Variants in MICU1 observed in about 807,000 individuals in gnomAD.
MICU1 encodes the protein mitochondrial calcium uptake 1, also known as calcium uptake protein 1, mitochondrial.
In MICU1, 45 loss-of-function variants were observed where a neutral mutation model predicts 56.8. That is an observed-to-expected ratio of 0.79 (90% CI 0.62 to 1.02). MICU1 has a LOEUF of 1.02. MICU1 is among the 50% of genes least tolerant of loss of function. The probability of loss-of-function intolerance (pLI) is 0.00; values close to 1 mark genes in which losing one functional copy is unlikely to be tolerated. For synonymous variants in MICU1, 186 were observed against 195.1 expected (o/e 0.95, Z 0.39); for missense variants, 504 against 587.1 (o/e 0.86, Z 1.46).
At chr10:72,497,942 C>T (rs1866900664) in intron 6 of MICU1, among the ~76,000 whole-genome samples, 1 of 152,220 alleles carries the variant, frequency 6.6e-6, no homozygotes, top group African/African-American at 2.4e-5. Context: ...ATAGTTCCCA[C>T]TTCAAGATAT....
chr10:72,579,815 A>G (rs544830818), intron 1 of MICU1, among the ~76,000 whole-genome samples: 1 of 152,320 alleles, frequency 6.6e-6, no homozygotes, highest in African/African-American at 2.4e-5. Flanking sequence ...TATTAAAAAT[A>G]TGGTATAAAA....
At chr10:72,388,691 G>A (rs1249766122) in intron 10 of MICU1, among the ~76,000 whole-genome samples, 1 of 152,118 alleles carries the variant, frequency 6.6e-6, no homozygotes, top group Non-Finnish European at 1.5e-5. Context: ...TTAGCCAAAA[G>A]CAACTGGGAA....
At chr10:72,441,475 A>G (rs548907611) in intron 8 of MICU1, among the ~76,000 whole-genome samples, 37 of 151,530 alleles carry the variant, frequency 2.4e-4, no homozygotes, top group African/African-American at 8.5e-4. Flanking sequence ...TGATGGGTGC[A>G]GCAAACCAAC....
At chr10:72,590,849 A>T (rs201914169) in intron 1 of MICU1, among the ~76,000 whole-genome samples, 67,803 of 146,300 alleles carry the variant, frequency 0.46, 19,346 homozygotes, top group Non-Finnish European at 0.67. Context: ...ATAAAAATTA[A>T]AAAAAAAAAA....
intron 6 of MICU1, among the ~76,000 whole-genome samples, chr10:72,499,168 T>C (rs1415910612): frequency 6.6e-6 from 1 of 152,218 alleles, no homozygotes; most frequent in Non-Finnish European, 1.5e-5. Flanking sequence ...AGCCACAATT[T>C]GCTTCTTTGC....
chr10:72,546,449 C>T (rs1228285418), intron 4 of MICU1, among the ~76,000 whole-genome samples: 4 of 152,102 alleles, frequency 2.6e-5, no homozygotes, highest in Non-Finnish European at 4.4e-5. Context: ...CAAATCTGGC[C>T]GCTTCTGTAT....
In MICU1 at chr10:72,419,876, C is replaced by T. The variant is rs1007250298; in HGVS notation, c.1071+3358G>A. ...TTTGGCTGTGTCCCCACCCAAATCT[C>T]GAATTGTAGCTCCCATAATGCACAT... On this transcript the variant is annotated intron_variant, in intron 9 of 11. Transcript: ENST00000361114. 3.3e-5 allele frequency among the ~76,000 whole-genome samples: 5 copies of T among 152,062 alleles called. No homozygotes were observed. The South Asian group carries it at 1.0e-3, about 31-fold the overall frequency.
chr10:72,417,870 T>C (rs1298521640), intron 9 of MICU1, among the ~76,000 whole-genome samples: 1 of 152,232 alleles, frequency 6.6e-6, no homozygotes, highest in Non-Finnish European at 1.5e-5. Context: ...TATTAGTTCG[T>C]TCTTATGCTG....
chr10:72,410,975 T>C (rs536600920), intron 9 of MICU1, among the ~76,000 whole-genome samples: 3 of 152,196 alleles, frequency 2.0e-5, no homozygotes, highest in Admixed American at 2.0e-4. Context: ...AGTCTACTGA[T>C]GGATGAATGG....
At chr10:72,424,301 T>C (rs925730546) in intron 8 of MICU1, among the ~76,000 whole-genome samples, 2 of 151,924 alleles carry the variant, frequency 1.3e-5, no homozygotes, top group Non-Finnish European at 2.9e-5. Flanking sequence ...TTAGGAGAGA[T>C]AGGGTTTCAC....
intron 1 of MICU1, among the ~76,000 whole-genome samples, chr10:72,601,257 A>C (rs1841525221): frequency 6.6e-6 from 1 of 152,058 alleles, no homozygotes; most frequent in Non-Finnish European, 1.5e-5. Flanking sequence ...CCCTGTATCT[A>C]CAAAAACTAA....
intron 5 of MICU1, among the ~76,000 whole-genome samples, chr10:72,515,019 CA>C (rs1867601877): frequency 6.6e-6 from 1 of 152,148 alleles, no homozygotes; most frequent in Admixed American, 6.6e-5. Flanking sequence ...GCAGGTGAAA[CA>C]AAGGCAAGCC....
At chr10:72,479,227 C>T (rs1866213652) in intron 6 of MICU1, among the ~76,000 whole-genome samples, 1 of 152,142 alleles carries the variant, frequency 6.6e-6, no homozygotes, top group African/African-American at 2.4e-5. Flanking sequence ...GAACTTAAGT[C>T]AACACTGACT....
intron 9 of MICU1, among the ~76,000 whole-genome samples, chr10:72,413,228 CA>C (rs1273015262): frequency 6.6e-6 from 1 of 151,626 alleles, no homozygotes; most frequent in East Asian, 1.9e-4. Flanking sequence ...AAAAACAAAA[CA>C]AAACAAAACA....
intron 9 of MICU1, among the ~76,000 whole-genome samples, chr10:72,408,501 G>T (rs1863703514): frequency 6.6e-6 from 1 of 152,044 alleles, no homozygotes; most frequent in Admixed American, 6.6e-5. Flanking sequence ...TAGAAACAGG[G>T]TTTCATCATG....
intron 8 of MICU1, among the ~76,000 whole-genome samples, chr10:72,450,698 A>T (rs922836768): frequency 4.0e-5 from 6 of 149,932 alleles, no homozygotes; most frequent in Non-Finnish European, 8.9e-5. Context: ...TTGAAATTAT[A>T]CTTCCTTAAA....
intron 1 of MICU1, among the ~76,000 whole-genome samples, chr10:72,622,263 T>C (rs1164254043): frequency 4.0e-5 from 6 of 151,546 alleles, no homozygotes; most frequent in Admixed American, 3.3e-4. Flanking sequence ...AACATGAAAA[T>C]TATTTTAGTG....
At chr10:72,517,292 G>T (rs957179407) in intron 5 of MICU1, among the ~76,000 whole-genome samples, 1 of 152,110 alleles carries the variant, frequency 6.6e-6, no homozygotes, top group Non-Finnish European at 1.5e-5. Context: ...AAAGGAAAAG[G>T]AGTCATTATA....
In MICU1 at chr10:72,508,270, C is replaced by G; in HGVS notation, c.538-1G>C. 1 of 1,458,434 alleles carries G rather than the reference C, an allele frequency of 6.9e-7. No individual in the cohort carries two copies. The highest frequency in any genetic ancestry group is 9.3e-7 in the Non-Finnish European group (1 of 1,070,530). The allele number at this position is 1,458,434 out of a possible 1,614,324, so 90.3% of individuals were successfully genotyped here. ...ATTTTTCTCGTTCCTGGGAAATTTT[C>G]TATAGAATGTATGGGTCCCACCAAA... On this transcript the variant is annotated splice_acceptor_variant, in intron 5 of 11. Coordinates refer to ENST00000361114, the MANE Select transcript of MICU1 (RefSeq NM_001195518.2). LOFTEE classifies it high-confidence loss of function.
Sources: gnomAD v4.1 joint callset for allele counts (sites outside exome capture counted in the v4.1 genomes callset) on GRCh38, gnomAD v4.1.1 for gene constraint, MANE v1.5 for transcripts, NCBI Gene and HGNC (gene_info 2026-07-23, HGNC 2026-07-21) for gene names.